POU3F1: variants seen among roughly 807,000 people sequenced by gnomAD.
POU3F1 encodes POU class 3 homeobox 1, also known as POU domain, class 3, transcription factor 1.
A neutral mutation model predicts 7.6 loss-of-function variants in POU3F1; 1 was observed. That is an observed-to-expected ratio of 0.13 (90% confidence interval 0.05 to 0.62). POU3F1 has a LOEUF of 0.62. Ranked by LOEUF, POU3F1 falls within the 20% of genes least tolerant of loss-of-function variation. The pLI is 0.87. For synonymous variants in POU3F1, 354 were observed against 339.0 expected, an observed-to-expected ratio of 1.04 and a Z score of -0.49; for missense variants, 505 against 679.3, an observed-to-expected ratio of 0.74 and a Z score of 2.85.
Position 38,046,466 on chromosome 1 carries a change from C to T in POU3F1, c.278G>A (p.Gly93Asp), listed in dbSNP as rs897730045. 4 of 1,362,708 alleles carry T rather than the reference C, an allele frequency of 2.9e-6. No homozygotes were observed. In the African/African-American group the frequency reaches 6.1e-5, roughly 21 times the overall value. 84.4% of individuals were successfully genotyped at this position (1,362,708 alleles called of 1,614,324 possible). A position where few individuals can be genotyped will look rare whatever the true frequency, so the allele number is the denominator to read the frequency against. ...DWAGGPHLEH[G>D]KAGGGGTGRA... Reference sequence around the variant, plus strand: ...GCCGGTGCCGCCGCCGCCTGCCTTGCCGTGTTCTAGGTGCGGGCCGCCGGC... The same window carrying T: ...GCCGGTGCCGCCGCCGCCTGCCTTGTCGTGTTCTAGGTGCGGGCCGCCGGC... Residue 93 changes from glycine to aspartate, a missense_variant, in exon 1 of 1, where the codon GGC becomes GAC. Physicochemically the swap from Gly to Asp is moderately conservative, Grantham distance 94 (BLOSUM62 -1). Transcript: ENST00000373012. This position sits in a 1 kb window ranked among gnomAD's most constrained non-coding sequence, Gnocchi z 9.5.
rs1017994664 is a variant in POU3F1, at chr1:38,045,779, G to T, written c.965C>A (p.Ser322Ter). The T allele has an allele frequency of 6.2e-7, 1 of 1,613,870 alleles. No homozygotes were observed. The highest frequency in any genetic ancestry group is 1.7e-5 in the Admixed American group (1 of 60,020). The change falls in exon 1 of 1, where the codon TCG (serine) becomes TAG (stop). Residue 322 changes from serine (S) to a stop codon, truncating the protein, a stop_gained. Transcript: ENST00000373012. LOFTEE classifies it high-confidence loss of function. This position sits in a 1 kb window ranked among gnomAD's most constrained non-coding sequence, Gnocchi z 9.4. ...LLNKWLEETDSSSGSPTNLDK... is the reference protein window; with the variant it reads ...LLNKWLEETD ...CAGGTTGGTGGGGCTGCCGCTGGAC[G>T]AGTCGGTCTCCTCCAGCCACTTGTT... is the stretch of plus-strand genomic sequence containing the variant.
chr1:38,045,622 G>C lies in POU3F1; in HGVS notation c.1122C>G (p.Asp374Glu). ...CCACCTCCTTCTCCAGCTGCAGGCTGTCTGCCAAGCCGGTGATCTCGTGCG... is the reference window on the plus strand; with the variant it reads ...CCACCTCCTTCTCCAGCTGCAGGCTCTCTGCCAAGCCGGTGATCTCGTGCG... ...PSAHEITGLA[D>E]SLQLEKEVVR... The change falls in exon 1 of 1, where the codon GAC becomes GAG. Residue 374 changes from aspartate to glutamate, a missense_variant. Physicochemically the swap from Asp to Glu is conservative, Grantham distance 45. Around this residue, in one of 5 missense-constraint regions of POU3F1, gnomAD observed 24 missense variants for 80.6 expected, o/e 0.30. Transcript: ENST00000373012. The surrounding 1 kb of genome is among the most constrained non-coding windows in gnomAD (Gnocchi z 9.4). 6.2e-7 allele frequency: 1 copy of C among 1,613,282 alleles called. No individual in the cohort carries two copies. Among genetic ancestry groups the C allele is most frequent in the Non-Finnish European group, 8.5e-7 (1 of 1,179,802 alleles).
Position 38,043,945 on chromosome 1 carries a change from T to G in POU3F1, c.*1443A>C, listed in dbSNP as rs942124612. Among the ~76,000 whole-genome samples, 3 of 151,944 alleles carry G rather than the reference T, an allele frequency of 2.0e-5. No individual in the cohort carries two copies. The highest frequency in any genetic ancestry group is 4.8e-5 in the African/African-American group (2 of 41,342). On this transcript the variant is annotated 3_prime_UTR_variant, in exon 1 of 1. Transcript: ENST00000373012. The surrounding 1 kb of genome is among the most constrained non-coding windows in gnomAD (Gnocchi z 4.5). ...GATACAAAGAGAATGCACCGAAACA[T>G]TGTTTCAAAAAATAATAAAAATAAA...
chr1:38,045,383 C>T lies in POU3F1; in HGVS notation c.*5G>A, dbSNP rs1267493344. The T allele has an allele frequency of 8.3e-7, 1 of 1,205,568 alleles. No individual in the cohort carries two copies. The highest frequency in any genetic ancestry group is 1.6e-5 in the African/African-American group (1 of 62,858). The allele number at this position is 1,205,568 out of a possible 1,614,324, so 74.7% of individuals were successfully genotyped here. A position where few individuals can be genotyped will look rare whatever the true frequency, so the allele number is the denominator to read the frequency against. ...AGCGCGCCGGCGGGGGCCCGGCCCG[C>T]GGGGTCACTGCACTGAGCCGGGCAG... On this transcript the variant is annotated 3_prime_UTR_variant, in exon 1 of 1. Transcript: ENST00000373012. This position sits in a 1 kb window ranked among gnomAD's most constrained non-coding sequence, Gnocchi z 9.4.
In POU3F1 at chr1:38,046,615, C is replaced by T; in HGVS notation, c.129G>A (p.Gly43=). Residue 43 remains glycine (G), a synonymous_variant, in exon 1 of 1, where the codon GGG becomes GGA. Coordinates refer to ENST00000373012, the MANE Select transcript of POU3F1 (RefSeq NM_002699.4). The surrounding 1 kb of genome is among the most constrained non-coding windows in gnomAD (Gnocchi z 9.5). The stretch of plus-strand genomic sequence containing the variant: ...GCTTCTGCACTTCGCGGTACGCGGC[C>T]CCTGCATGCAATCGCTCCGCGGCCG... The part of the protein sequence containing the change: ...AAAAAERLHA[G]AAYREVQKLM... 2 of 1,365,820 alleles carry T rather than the reference C, an allele frequency of 1.5e-6. No individual in the cohort carries two copies. The highest frequency in any genetic ancestry group is 2.8e-5 in the Admixed American group (1 of 35,888). 84.6% of individuals were successfully genotyped at this position (1,365,820 alleles called of 1,614,324 possible). A position where few individuals can be genotyped will look rare whatever the true frequency, so the allele number is the denominator to read the frequency against.
chr1:38,044,157 A>G lies in POU3F1; in HGVS notation c.*1231T>C, dbSNP rs1006844825. On this transcript the variant is annotated 3_prime_UTR_variant, in exon 1 of 1. Transcript: ENST00000373012. The stretch of plus-strand genomic sequence containing the variant: ...GAAGGAAGGGTAACCCGGAAAACCA[A>G]AAATAAAAACCAAGCACAAAATGTT... 3.3e-5 allele frequency among the ~76,000 whole-genome samples: 5 copies of G among 152,342 alleles called. No individual in the cohort carries two copies. Among genetic ancestry groups the G allele is most frequent in the African/African-American group, 9.6e-5 (4 of 41,578 alleles).
Position 38,046,297 on chromosome 1 carries a change from C to T in POU3F1, c.447G>A (p.Gly149=). Residue 149 remains glycine (G), a synonymous_variant, in exon 1 of 1, where the codon GGG becomes GGA. Transcript: ENST00000373012. This position sits in a 1 kb window ranked among gnomAD's most constrained non-coding sequence, Gnocchi z 9.5. ...GCCCGAGCGGCTGGGGCTGGTGGCC[C>T]CCGCTGGCCCCGGGCGAGGGCGACA... is the stretch of plus-strand genomic sequence containing the variant. ...PAMSPSPGAS[G]GHQPQPLGLY... 1 of 1,170,188 alleles carries T rather than the reference C, an allele frequency of 8.5e-7. No homozygotes were observed. The highest frequency in any genetic ancestry group is 3.2e-5 in the South Asian group (1 of 31,604). The allele number at this position is 1,170,188 out of a possible 1,614,324, so 72.5% of individuals were successfully genotyped here. A position where few individuals can be genotyped will look rare whatever the true frequency, so the allele number is the denominator to read the frequency against.
In POU3F1 at chr1:38,044,015, G is replaced by C. The variant is rs1426178065; in HGVS notation, c.*1373C>G. Among the ~76,000 whole-genome samples, 1 of 151,312 alleles carries C rather than the reference G, an allele frequency of 6.6e-6. No individual in the cohort carries two copies. Among genetic ancestry groups the C allele is most frequent in the Non-Finnish European group, 1.5e-5 (1 of 67,872 alleles). ...AACCTTAACAAACAGAAGAAGAAAC[G>C]GAGAAGGGGGAAGCTCCAAACACAT... On this transcript the variant is annotated 3_prime_UTR_variant, in exon 1 of 1. Coordinates refer to ENST00000373012, the MANE Select transcript of POU3F1 (RefSeq NM_002699.4).
rs1479167696 is a variant in POU3F1, at chr1:38,046,578, C to A, written c.166G>T (p.Glu56Ter). Residue 56 changes from glutamate (E) to a stop codon, truncating the protein, a stop_gained, in exon 1 of 1, where the codon GAG (glutamate) becomes TAG (stop). Transcript: ENST00000373012. LOFTEE classifies it low-confidence loss of function (END_TRUNC). The surrounding 1 kb of genome is among the most constrained non-coding windows in gnomAD (Gnocchi z 9.5). ...TGGCCCGCGCCCGCGCCCAGCCACT[C>A]GTGGTGCATCAGCTTCTGCACTTCG... is the stretch of plus-strand genomic sequence containing the variant. ...YREVQKLMHH[E>*]WLGAGAGHPV... 7.2e-7 allele frequency: 1 copy of A among 1,380,278 alleles called. No individual in the cohort carries two copies. The allele number at this position is 1,380,278 out of a possible 1,614,324, so 85.5% of individuals were successfully genotyped here.
rs1286758556 is a variant in POU3F1, at chr1:38,046,020, C to T, written c.724G>A (p.Gly242Ser). The part of the protein sequence containing the change: ...PGAGGGGSSV[G>S]EHSDEDAPSS... ...GGCGCATCCTCGTCCGAGTGCTCGC[C>T]CACCGATGAGCCGCCGCCGCCCGCG... The change falls in exon 1 of 1, where the codon GGC becomes AGC. Residue 242 changes from glycine (G) to serine (S), a missense_variant. Gly to Ser is a moderately conservative substitution (Grantham distance 56). Around this residue, in one of 5 missense-constraint regions of POU3F1, gnomAD observed 361 missense variants for 382.1 expected, o/e 0.94. Coordinates refer to ENST00000373012, the MANE Select transcript of POU3F1 (RefSeq NM_002699.4). This position sits in a 1 kb window ranked among gnomAD's most constrained non-coding sequence, Gnocchi z 9.5. 1.3e-6 allele frequency: 2 copies of T among 1,597,880 alleles called. No individual in the cohort carries two copies. The highest frequency in any genetic ancestry group is 1.7e-5 in the Admixed American group (1 of 58,418).
chr1:38,046,116 C>A lies in POU3F1; in HGVS notation c.628G>T (p.Ala210Ser). The part of the protein sequence containing the change: ...LEPSPPPHLG[A>S]HGHAHGHAHA... ...GCATGTCCGTGTGCGTGTCCGTGGGCGCCCAGATGCGGCGGCGGCGACGGC... is the reference window on the plus strand; with the variant it reads ...GCATGTCCGTGTGCGTGTCCGTGGGAGCCCAGATGCGGCGGCGGCGACGGC... The change falls in exon 1 of 1, where the codon GCC (alanine) becomes TCC (serine). Residue 210 changes from alanine (A) to serine (S), a missense_variant. Ala to Ser is a moderately conservative substitution (Grantham distance 99). Around this residue, in one of 5 missense-constraint regions of POU3F1, gnomAD observed 361 missense variants for 382.1 expected, o/e 0.94. Coordinates refer to ENST00000373012, the MANE Select transcript of POU3F1 (RefSeq NM_002699.4). This position sits in a 1 kb window ranked among gnomAD's most constrained non-coding sequence, Gnocchi z 9.5. 7.0e-7 allele frequency: 1 copy of A among 1,420,822 alleles called. No homozygotes were observed. The highest frequency in any genetic ancestry group is 9.2e-7 in the Non-Finnish European group (1 of 1,090,044). The allele number at this position is 1,420,822 out of a possible 1,614,324, so 88.0% of individuals were successfully genotyped here.
rs1646851366 is a variant in POU3F1 at position 38,045,229 on chromosome 1, C to T, written c.*159G>A. 1 of 212,428 alleles carries T rather than the reference C, an allele frequency of 4.7e-6. No homozygotes were observed. The highest frequency in any genetic ancestry group is 1.7e-4 in the East Asian group (1 of 6,006). The allele number at this position is 212,428 out of a possible 1,614,324, so 13.2% of individuals were successfully genotyped here. On this transcript the variant is annotated 3_prime_UTR_variant, in exon 1 of 1. Transcript: ENST00000373012. This position sits in a 1 kb window ranked among gnomAD's most constrained non-coding sequence, Gnocchi z 9.4. ...CTACCGGGCTGTCTTCGCCGCTCAC[C>T]GGAGAGGGTCGTCCGGGTGTTTGGT...
chr1:38,046,336 G>A lies in POU3F1; in HGVS notation c.408C>T (p.His136=). Residue 136 remains histidine, a synonymous_variant, in exon 1 of 1, where the codon CAC becomes CAT. Coordinates refer to ENST00000373012, the MANE Select transcript of POU3F1 (RefSeq NM_002699.4). This position sits in a 1 kb window ranked among gnomAD's most constrained non-coding sequence, Gnocchi z 9.5. ...GCGAGGGCGACATGGCCGGGCCCAA[G>A]TGGTGCGCTGTGCTGCCCTGCGCCC... The part of the protein sequence containing the change: ...AAWAQGSTAH[H]LGPAMSPSPG... The A allele has an allele frequency of 3.3e-6, 4 of 1,218,748 alleles. No individual in the cohort carries two copies. The highest frequency in any genetic ancestry group is 4.1e-6 in the Non-Finnish European group (4 of 978,378). 75.5% of individuals were successfully genotyped at this position (1,218,748 alleles called of 1,614,324 possible).
chr1:38,046,675 C>A lies in POU3F1; in HGVS notation c.69G>T (p.Met23Ile). The A allele has an allele frequency of 2.4e-6, 3 of 1,240,862 alleles. No individual in the cohort carries two copies. Among genetic ancestry groups the A allele is most frequent in the East Asian group, 3.6e-5 (1 of 27,414 alleles). 76.9% of individuals were successfully genotyped at this position (1,240,862 alleles called of 1,614,324 possible). A position where few individuals can be genotyped will look rare whatever the true frequency, so the allele number is the denominator to read the frequency against. ...GGGAGGTGPL[M>I]HPDAAAAAAA... is the part of the protein sequence containing the mutation. ...CCGCCGCCGCCGCGGCGTCCGGGTGCATAAGCGGCCCGGTGCCCCCGGCTC... is the reference window on the plus strand; with the variant it reads ...CCGCCGCCGCCGCGGCGTCCGGGTGAATAAGCGGCCCGGTGCCCCCGGCTC... Residue 23 changes from methionine (M) to isoleucine (I), a missense_variant, in exon 1 of 1, where the codon ATG becomes ATT. This residue lies in a region of POU3F1 where 361 missense variants were observed against 382.1 expected (regional missense o/e 0.94). Transcript: ENST00000373012. The surrounding 1 kb of genome is among the most constrained non-coding windows in gnomAD (Gnocchi z 9.5).
Position 38,046,513 on chromosome 1 carries a change from T to C in POU3F1, c.231A>G (p.Gly77=). The stretch of plus-strand genomic sequence containing the variant: ...CGGCCCAATCGCCGCCGCCGCCTCC[T>C]CCCGTGGGTAGCCACTGGGGGTGCG... The part of the protein sequence containing the change: ...GLAHPQWLPT[G]GGGGGDWAGG... Residue 77 remains glycine, a synonymous_variant, in exon 1 of 1, where the codon GGA becomes GGG. Coordinates refer to ENST00000373012, the MANE Select transcript of POU3F1 (RefSeq NM_002699.4). The surrounding 1 kb of genome is among the most constrained non-coding windows in gnomAD (Gnocchi z 9.5). 1 of 1,378,694 alleles carries C rather than the reference T, an allele frequency of 7.3e-7. No homozygotes were observed. Among genetic ancestry groups the C allele is most frequent in the Non-Finnish European group, 9.4e-7 (1 of 1,066,066 alleles). 85.4% of individuals were successfully genotyped at this position (1,378,694 alleles called of 1,614,324 possible).
Position 38,046,291 on chromosome 1 carries a change from GTGGCCCCCGC to G in POU3F1, c.443_452del (p.Ser148ThrfsTer151). 8.6e-7 allele frequency: 1 copy of G among 1,161,706 alleles called. No homozygotes were observed. The highest frequency in any genetic ancestry group is 3.2e-5 in the South Asian group (1 of 31,016). 72.0% of individuals were successfully genotyped at this position (1,161,706 alleles called of 1,614,324 possible). A position where few individuals can be genotyped will look rare whatever the true frequency, so the allele number is the denominator to read the frequency against. Reference sequence around the variant, plus strand: ...CGTACAGCCCGAGCGGCTGGGGCTGGTGGCCCCCGCTGGCCCCGGGCGAGGGCGACATGGC... The same window carrying G: ...CGTACAGCCCGAGCGGCTGGGGCTGGTGGCCCCGGGCGAGGGCGACATGGC... On this transcript the variant is annotated frameshift_variant, in exon 1 of 1. Transcript: ENST00000373012. LOFTEE classifies it low-confidence loss of function (END_TRUNC). The surrounding 1 kb of genome is among the most constrained non-coding windows in gnomAD (Gnocchi z 9.5).
At position 38,046,722 on chromosome 1, in the gene POU3F1, G is replaced by A; in HGVS notation, c.22C>T (p.Leu8=). 8.9e-7 allele frequency: 1 copy of A among 1,119,084 alleles called. No homozygotes were observed. The highest frequency in any genetic ancestry group is 1.1e-6 in the Non-Finnish European group (1 of 921,808). 69.3% of individuals were successfully genotyped at this position (1,119,084 alleles called of 1,614,324 possible). A position where few individuals can be genotyped will look rare whatever the true frequency, so the allele number is the denominator to read the frequency against. The change falls in exon 1 of 1, where the codon CTG becomes TTG. Residue 8 remains leucine (L), a synonymous_variant. Transcript: ENST00000373012. The surrounding 1 kb of genome is among the most constrained non-coding windows in gnomAD (Gnocchi z 9.5). ...GCTCCGCCACCGGGGCCCCGCGGCA[G>A]GTACTGCGCGGTGGTGGCCATGCCG... MATTAQY[L]PRGPGGGAGG... is the part of the protein sequence containing the mutation.
At position 38,046,591 on chromosome 1, in the gene POU3F1, C is replaced by A; in HGVS notation, c.153G>T (p.Lys51Asn). 1 of 1,383,918 alleles carries A rather than the reference C, an allele frequency of 7.2e-7. No individual in the cohort carries two copies. The allele number at this position is 1,383,918 out of a possible 1,614,324, so 85.7% of individuals were successfully genotyped here. ...HAGAAYREVQ[K>N]LMHHEWLGAG... ...CGCCCAGCCACTCGTGGTGCATCAGCTTCTGCACTTCGCGGTACGCGGCCC... is the reference window on the plus strand; with the variant it reads ...CGCCCAGCCACTCGTGGTGCATCAGATTCTGCACTTCGCGGTACGCGGCCC... The change falls in exon 1 of 1, where the codon AAG becomes AAT. Residue 51 changes from lysine (K) to asparagine (N), a missense_variant. By Grantham distance (94) the Lys-to-Asn change is moderately conservative. Around this residue, in one of 5 missense-constraint regions of POU3F1, gnomAD observed 361 missense variants for 382.1 expected, o/e 0.94. Coordinates refer to ENST00000373012, the MANE Select transcript of POU3F1 (RefSeq NM_002699.4). The surrounding 1 kb of genome is among the most constrained non-coding windows in gnomAD (Gnocchi z 9.5).
rs778395005 is a variant in POU3F1, at chr1:38,044,202, T to C, written c.*1186A>G. ...AATGTTTCTTCTCCCCGCCAGTGTG[T>C]ACATATCTCACATATTTACATGGTT... is the stretch of plus-strand genomic sequence containing the variant. On this transcript the variant is annotated 3_prime_UTR_variant, in exon 1 of 1. Transcript: ENST00000373012. Among the ~76,000 whole-genome samples the C allele has an allele frequency of 8.5e-5, 13 of 152,392 alleles. No individual in the cohort carries two copies. The highest frequency in any genetic ancestry group is 1.9e-4 in the Non-Finnish European group (13 of 68,042).
Sources: gnomAD v4.1 joint callset for allele counts (sites outside exome capture counted in the v4.1 genomes callset) on GRCh38, gnomAD v4.1.1 for gene constraint, gnomAD v4.1.1 regional missense constraint, Gnocchi (gnomAD v3.1) non-coding constraint, MANE v1.5 for transcripts, NCBI Gene and HGNC (gene_info 2026-07-23, HGNC 2026-07-21) for gene names.